CFDP1: variants seen among roughly 807,000 people sequenced by gnomAD.
The protein encoded by CFDP1 is heterochromatin-stabilizing protein CFDP1.
CFDP1 carries 31 observed loss-of-function variants against 40.1 expected under a neutral mutation model. That is an observed-to-expected ratio of 0.77 (90% CI 0.58 to 1.04). The LOEUF (loss-of-function observed/expected upper bound fraction) is 1.04, where lower values mean the gene tolerates loss of function less well. Among genes scored for constraint, CFDP1 ranks in the 50% least tolerant of loss-of-function variants. The pLI is 0.00. For missense variants in CFDP1, 423 were observed against 343.4 expected (o/e 1.23, Z -1.83); for synonymous variants, 167 against 120.0 (o/e 1.39, Z -2.56).
In CFDP1 at chr16:75,400,913, G is replaced by A. The variant is rs143750944; in HGVS notation, c.531-5704C>T. On this transcript the variant is annotated intron_variant, in intron 4 of 6. Coordinates refer to ENST00000283882, the MANE Select transcript of CFDP1 (RefSeq NM_006324.3). ...GAATCTCATAAAAACAGAAAATAGG[G>A]GGAAGTTGTCAACAATAACAGAAAA... Among the ~76,000 whole-genome samples the A allele has an allele frequency of 3.1e-3, 471 of 152,250 alleles. 6 individuals carry two copies. Among genetic ancestry groups the A allele is most frequent in the Admixed American group, 0.027 (406 of 15,288 alleles).
At chr16:75,303,584 C>T (rs1279509188) in intron 6 of CFDP1, among the ~76,000 whole-genome samples, 1 of 146,000 alleles carries the variant, frequency 6.8e-6, no homozygotes, top group Non-Finnish European at 1.5e-5. Flanking sequence ...GTCCTAGCTA[C>T]ATAGGAGGCC....
chr16:75,354,994 A>G (rs1278430354), intron 5 of CFDP1, among the ~76,000 whole-genome samples: 4 of 152,210 alleles, frequency 2.6e-5, no homozygotes, highest in Admixed American at 2.0e-4. Flanking sequence ...AGCCACACAA[A>G]TTTTTTGGTT....
intron 5 of CFDP1, among the ~76,000 whole-genome samples, chr16:75,342,610 G>A (rs1021211841): frequency 6.6e-6 from 1 of 152,086 alleles, no homozygotes; most frequent in African/African-American, 2.4e-5. Context: ...ATCTGCACAC[G>A]TGGGCTCTAT....
intron 2 of CFDP1, 69 bp downstream of exon 2, chr16:75,414,509 C>A: frequency 1.1e-6 from 1 of 906,422 alleles, no homozygotes; most frequent in East Asian, 2.4e-5. Context: ...TATCATGAGA[C>A]CAATCTTAGC....
At chr16:75,407,742 CTG>C (rs956555529) in intron 4 of CFDP1, among the ~76,000 whole-genome samples, 1 of 150,148 alleles carries the variant, frequency 6.7e-6, no homozygotes, top group Non-Finnish European at 1.5e-5. Context: ...TAAAAAATAA[CTG>C]TAATTATAAC....
chr16:75,415,140 T>G (rs1024987094), intron 1 of CFDP1, among the ~76,000 whole-genome samples: 10 of 152,210 alleles, frequency 6.6e-5, no homozygotes, highest in African/African-American at 2.4e-4. Flanking sequence ...AAAAACACTT[T>G]GTCTTCTCAA....
At chr16:75,412,198 T>C (rs2079169194) in intron 3 of CFDP1, among the ~76,000 whole-genome samples, 1 of 152,164 alleles carries the variant, frequency 6.6e-6, no homozygotes, top group African/African-American at 2.4e-5. Flanking sequence ...TTTGTATTTT[T>C]AGTAGAGACA....
intron 4 of CFDP1, among the ~76,000 whole-genome samples, chr16:75,409,148 C>T (rs1009533688): frequency 7.2e-5 from 11 of 152,012 alleles, no homozygotes; most frequent in Admixed American, 2.6e-4. Context: ...CATGAGCCAC[C>T]GTGCCAGGCC....
intron 5 of CFDP1, among the ~76,000 whole-genome samples, chr16:75,377,129 G>A (rs1026525062): frequency 4.0e-5 from 6 of 151,544 alleles, no homozygotes; most frequent in African/African-American, 1.2e-4. Flanking sequence ...CCAACTGGGG[G>A]CTTGGCTGTG....
chr16:75,404,517 G>A (rs191259564), intron 4 of CFDP1, among the ~76,000 whole-genome samples: 28 of 152,154 alleles, frequency 1.8e-4, no homozygotes, highest in Admixed American at 9.8e-4. Context: ...CACCGCGCCC[G>A]GCCGCAAAGG....
chr16:75,423,920 A>G (rs1424668916), intron 1 of CFDP1, among the ~76,000 whole-genome samples: 2 of 152,222 alleles, frequency 1.3e-5, no homozygotes, highest in Non-Finnish European at 2.9e-5. Context: ...TGGAAACCAC[A>G]GATACAGAAG....
intron 5 of CFDP1, among the ~76,000 whole-genome samples, chr16:75,391,074 CAT>C (rs748061743): frequency 2.0e-5 from 3 of 152,368 alleles, no homozygotes; most frequent in Admixed American, 6.5e-5. Flanking sequence ...GAGATTTCTA[CAT>C]GAGTGACTTA....
Position 75,433,495 on chromosome 16 carries a change from G to A in CFDP1, c.-143C>T. 4 of 722,074 alleles carry A rather than the reference G, an allele frequency of 5.5e-6. No individual in the cohort carries two copies. The South Asian group carries it at 6.6e-5, about 12-fold the overall frequency. 44.7% of individuals were successfully genotyped at this position (722,074 alleles called of 1,614,324 possible). On this transcript the variant is annotated 5_prime_UTR_variant, in exon 1 of 7. Coordinates refer to ENST00000283882, the MANE Select transcript of CFDP1 (RefSeq NM_006324.3). ...CGACAGCGCTTTGCACATGCGCAGAGAGTACTACGTGGTTGCCCTACGACA... is the reference window on the plus strand; with the variant it reads ...CGACAGCGCTTTGCACATGCGCAGAAAGTACTACGTGGTTGCCCTACGACA...
chr16:75,353,704 G>C (rs1433108446), intron 5 of CFDP1, among the ~76,000 whole-genome samples: 1 of 129,562 alleles, frequency 7.7e-6, no homozygotes, highest in East Asian at 2.4e-4. Context: ...AGCCGAGATC[G>C]TGCCACTGCA....
chr16:75,300,045 G>A (rs564387218), intron 6 of CFDP1, among the ~76,000 whole-genome samples: 6 of 152,226 alleles, frequency 3.9e-5, no homozygotes, highest in East Asian at 3.9e-4. Context: ...AGGGTTACCC[G>A]GGGGTGTTCC....
chr16:75,348,964 T>C (rs2078589336), intron 5 of CFDP1, among the ~76,000 whole-genome samples: 2 of 152,168 alleles, frequency 1.3e-5, no homozygotes, highest in South Asian at 4.1e-4. Context: ...ACTCCTGGGC[T>C]GGAGCGATCC....
intron 4 of CFDP1, among the ~76,000 whole-genome samples, chr16:75,405,957 G>A (rs1035846216): frequency 6.6e-6 from 1 of 151,114 alleles, no homozygotes; most frequent in Non-Finnish European, 1.5e-5. Flanking sequence ...AATTTATGTA[G>A]ATGGTCAGAC....
At chr16:75,318,618 A>C (rs1032659298) in intron 5 of CFDP1, among the ~76,000 whole-genome samples, 1 of 151,886 alleles carries the variant, frequency 6.6e-6, no homozygotes, top group Non-Finnish European at 1.5e-5. Context: ...GTTAGCCAGG[A>C]TGGTCTCGAT....
At chr16:75,385,742 A>C (rs1214441460) in intron 5 of CFDP1, among the ~76,000 whole-genome samples, 1 of 110,828 alleles carries the variant, frequency 9.0e-6, no homozygotes, top group African/African-American at 2.6e-5. Context: ...TGTACAGTAA[A>C]AGAAGTTAAA....
Sources: gnomAD v4.1 joint callset for allele counts (sites outside exome capture counted in the v4.1 genomes callset) on GRCh38, gnomAD v4.1.1 for gene constraint, MANE v1.5 for transcripts, NCBI Gene and HGNC (gene_info 2026-07-23, HGNC 2026-07-21) for gene names.